Variants in SYNPR observed in about 807,000 individuals in gnomAD.
The protein encoded by SYNPR is synaptoporin.
SYNPR carries 23 observed loss-of-function variants against 32.9 expected under a neutral mutation model. That is an observed-to-expected ratio of 0.70 (90% CI 0.50 to 0.99). The LOEUF (loss-of-function observed/expected upper bound fraction) is 0.99, where lower values mean the gene tolerates loss of function less well. SYNPR is among the 50% of genes least tolerant of loss of function. The pLI, the probability that SYNPR is intolerant of heterozygous loss-of-function variation, is 0.00. For synonymous variants in SYNPR, 146 were observed against 135.9 expected (o/e 1.07, Z -0.52); for missense variants, 318 against 349.3 (o/e 0.91, Z 0.71).
chr3:63,516,598 A>G (rs17068881), intron 3 of SYNPR, among the ~76,000 whole-genome samples: 14,442 of 152,092 alleles, frequency 0.095, 1,967 homozygotes, highest in African/African-American at 0.3. Flanking sequence ...TTTATTTTAT[A>G]GTTTATCAAA....
At chr3:63,569,905 G>C (rs1440818885) in intron 4 of SYNPR, among the ~76,000 whole-genome samples, 2 of 152,200 alleles carry the variant, frequency 1.3e-5, no homozygotes, top group African/African-American at 4.8e-5. Flanking sequence ...CAGATGGTCA[G>C]GGAGCAGCAA....
intron 2 of SYNPR, among the ~76,000 whole-genome samples, chr3:63,362,654 T>C (rs1174348292): frequency 6.6e-6 from 1 of 152,158 alleles, no homozygotes; most frequent in African/African-American, 2.4e-5. Context: ...TTGTGATTAA[T>C]GCTATAGGGT....
At chr3:63,276,140 A>T (rs2086572550), upstream of SYNPR, among the ~76,000 whole-genome samples, 1 of 152,232 alleles carries the variant, frequency 6.6e-6, no homozygotes, top group Non-Finnish European at 1.5e-5. Context: ...AATTATATTC[A>T]TCGTGGTAGA....
At chr3:63,364,122 G>C (rs1176217848) in intron 2 of SYNPR, among the ~76,000 whole-genome samples, 1 of 152,114 alleles carries the variant, frequency 6.6e-6, no homozygotes, top group East Asian at 1.9e-4. Flanking sequence ...TATTTATCCT[G>C]TCAAAGAGAG....
intron 4 of SYNPR, among the ~76,000 whole-genome samples, chr3:63,605,139 G>A (rs921868053): frequency 5.9e-5 from 9 of 152,124 alleles, no homozygotes; most frequent in African/African-American, 1.9e-4. Flanking sequence ...CAAATAAACT[G>A]TTCCAAATTG....
intron 2 of SYNPR, among the ~76,000 whole-genome samples, chr3:63,380,180 T>A (rs533306583): frequency 6.6e-6 from 1 of 152,312 alleles, no homozygotes; most frequent in Non-Finnish European, 1.5e-5. Flanking sequence ...CAGCATGATT[T>A]ATAATCGTTT....
At chr3:63,277,660 G>A (rs189695890), upstream of SYNPR, among the ~76,000 whole-genome samples, 1 of 152,262 alleles carries the variant, frequency 6.6e-6, no homozygotes, top group Admixed American at 6.5e-5. Context: ...AGATTAATTT[G>A]TTTCCACCTC....
chr3:63,227,425 CAG>C (rs1290358535), upstream of SYNPR, among the ~76,000 whole-genome samples: 2 of 152,108 alleles, frequency 1.3e-5, no homozygotes, highest in African/African-American at 4.8e-5. Context: ...GAGATAAAAT[CAG>C]AGAGAGAGTA....
chr3:63,319,501 A>T (rs1415150793), intron 2 of SYNPR, among the ~76,000 whole-genome samples: 1 of 151,794 alleles, frequency 6.6e-6, no homozygotes, highest in Non-Finnish European at 1.5e-5. Flanking sequence ...GAAACCAAGA[A>T]AGTAATCCCA....
chr3:63,493,015 C>T (rs1701284393), intron 3 of SYNPR, among the ~76,000 whole-genome samples: 1 of 152,082 alleles, frequency 6.6e-6, no homozygotes, highest in South Asian at 2.1e-4. Flanking sequence ...GTGGTGCCTG[C>T]ACCATGGTCC....
intron 2 of SYNPR, among the ~76,000 whole-genome samples, chr3:63,254,758 G>A (rs977673277): frequency 6.6e-6 from 1 of 152,154 alleles, no homozygotes; most frequent in African/African-American, 2.4e-5. Context: ...TAGTACCTTG[G>A]AATGTATTTG....
chr3:63,557,711 G>C (rs550638306), intron 4 of SYNPR, among the ~76,000 whole-genome samples: 1 of 152,118 alleles, frequency 6.6e-6, no homozygotes. Flanking sequence ...AACTCAAAAA[G>C]AAAGTCATAA....
At chr3:63,200,789 GGCA>G in the SYNPR span, among the ~76,000 whole-genome samples, 1 of 152,138 alleles carries the variant, frequency 6.6e-6, no homozygotes, top group African/African-American at 2.4e-5. Flanking sequence ...TGAAAGGAGT[GGCA>G]GCATTTTGAA....
chr3:63,229,029 C>A (rs1248583392), intron 1 of SYNPR, among the ~76,000 whole-genome samples: 1 of 152,156 alleles, frequency 6.6e-6, no homozygotes, highest in Non-Finnish European at 1.5e-5. Flanking sequence ...TCTCCTATGC[C>A]TCTGTTCAGA....
At chr3:63,556,422 C>T in intron 3 of SYNPR, 121 bp from the exon 4 acceptor site, 1 of 738,142 alleles carries the variant, frequency 1.4e-6, no homozygotes, top group Non-Finnish European at 2.2e-6. Context: ...GAATATGTTA[C>T]ATAGGCATGC....
intron 2 of SYNPR, among the ~76,000 whole-genome samples, chr3:63,355,828 T>G (rs2087569877): frequency 6.6e-6 from 1 of 152,232 alleles, no homozygotes; most frequent in African/African-American, 2.4e-5. Context: ...ATGTCTGAGC[T>G]GGAAAATAAC....
chr3:63,571,944 C>T (rs1486509936), intron 4 of SYNPR, among the ~76,000 whole-genome samples: 1 of 152,154 alleles, frequency 6.6e-6, no homozygotes, highest in East Asian at 1.9e-4. Flanking sequence ...TTTGCTATCC[C>T]TGAAGAACCA....
intron 2 of SYNPR, among the ~76,000 whole-genome samples, chr3:63,440,421 G>A (rs977527025): frequency 5.9e-5 from 9 of 152,284 alleles, no homozygotes; most frequent in African/African-American, 1.9e-4. Context: ...TTTCTCAGAT[G>A]AGTGATATGA....
rs924879616 is a variant in SYNPR at position 63,597,963 on chromosome 3, A to G, written c.409-11162A>G. 9.9e-5 allele frequency among the ~76,000 whole-genome samples: 15 copies of G among 152,166 alleles called. 1 individual carries two copies. Among genetic ancestry groups the G allele is most frequent in the African/African-American group, 3.6e-4 (15 of 41,436 alleles). ...ATTTGCTTTCTGTGTTTCCTGATCC[A>G]TAGTGTCATTCTAAAATTCTTGGAG... On this transcript the variant is annotated intron_variant, in intron 4 of 5. Transcript: ENST00000478300.
Sources: gnomAD v4.1 joint callset for allele counts (sites outside exome capture counted in the v4.1 genomes callset) on GRCh38, gnomAD v4.1.1 for gene constraint, MANE v1.5 for transcripts, NCBI Gene and HGNC (gene_info 2026-07-23, HGNC 2026-07-21) for gene names.